Variants in GCLM observed in about 807,000 individuals in gnomAD.
GCLM encodes glutamate-cysteine ligase modifier subunit, also known as glutamate--cysteine ligase regulatory subunit.
In GCLM, 15 loss-of-function variants were observed where a neutral mutation model predicts 36.0. That is an observed-to-expected ratio of 0.42 (90% CI 0.28 to 0.64). The LOEUF is 0.64. Among genes scored for constraint, GCLM ranks in the 30% least tolerant of loss-of-function variants. The pLI is 0.25. For missense variants in GCLM, 242 were observed against 325.5 expected (o/e 0.74, Z 1.97); for synonymous variants, 129 against 122.8 (o/e 1.05, Z -0.34).
chr1:93,888,361 TAA>T lies in GCLM; in HGVS notation c.*627_*628del, dbSNP rs1324162660. 1 of 152,124 alleles carries T rather than the reference TAA, an allele frequency of 6.6e-6. No individual in the cohort carries two copies. Among genetic ancestry groups the T allele is most frequent in the South Asian group, 2.1e-4 (1 of 4,830 alleles). The allele number at this position is 152,124 out of a possible 1,614,324, so 9.4% of individuals were successfully genotyped here. A position where few individuals can be genotyped will look rare whatever the true frequency, so the allele number is the denominator to read the frequency against. ...TACTTTGGTTTGTCTTTATAAGTAA[TAA>T]AAAGACAGAATATGGCACAAGAATA... On this transcript the variant is annotated 3_prime_UTR_variant, in exon 7 of 7. Coordinates refer to ENST00000370238, the MANE Select transcript of GCLM (RefSeq NM_002061.4).
intron 1 of GCLM, among the ~76,000 whole-genome samples, chr1:93,904,941 A>T (rs760937018): frequency 3.3e-5 from 5 of 152,150 alleles, no homozygotes; most frequent in Non-Finnish European, 5.9e-5. Context: ...TGGGAGGCTG[A>T]GGGGGGCAAA....
chr1:93,892,345 GTTTTACAGAGTTAAA>G (rs1656568010), intron 6 of GCLM, among the ~76,000 whole-genome samples: 2 of 152,208 alleles, frequency 1.3e-5, no homozygotes, highest in African/African-American at 4.8e-5. Context: ...ATGTTTTACA[GTTTTACAGAGTTAAA>G]TTTTACAGAG....
intron 4 of GCLM, among the ~76,000 whole-genome samples, chr1:93,897,355 C>T (rs1656768666): frequency 6.6e-6 from 1 of 151,992 alleles, no homozygotes; most frequent in South Asian, 2.1e-4. Context: ...AATTTAAGAG[C>T]TTATTTTAAA....
chr1:93,889,091 ACTCGTGCG>A lies in GCLM; in HGVS notation c.716_723del (p.Ala239ValfsTer16). ...TACCGCAGTAGCCACAGCGGCACCC[ACTCGTGCG>A]CTTGAATGTCAGGAATGCTTTCCTG... is the stretch of plus-strand genomic sequence containing the variant. On this transcript the variant is annotated frameshift_variant, in exon 7 of 7. Transcript: ENST00000370238. LOFTEE classifies it high-confidence loss of function. 6.2e-7 allele frequency: 1 copy of A among 1,601,324 alleles called. No individual in the cohort carries two copies. The highest frequency in any genetic ancestry group is 2.3e-5 in the East Asian group (1 of 43,996).
chr1:93,902,649 T>G (rs1159870866), intron 2 of GCLM, among the ~76,000 whole-genome samples: 2 of 152,202 alleles, frequency 1.3e-5, no homozygotes, highest in African/African-American at 4.8e-5. Context: ...TTACACTTGA[T>G]GAACCTACAT....
chr1:93,902,080 A>C (rs1656970778), intron 2 of GCLM, among the ~76,000 whole-genome samples: 1 of 151,930 alleles, frequency 6.6e-6, no homozygotes. Flanking sequence ...CATTAATTAC[A>C]AGCATTTTCT....
At chr1:93,900,760 CAATAAT>C (rs2100920420) in intron 3 of GCLM, among the ~76,000 whole-genome samples, 1 of 152,232 alleles carries the variant, frequency 6.6e-6, no homozygotes, top group East Asian at 1.9e-4. Context: ...TTATCCATCT[CAATAAT>C]AATAAAATAG....
intron 3 of GCLM, among the ~76,000 whole-genome samples, chr1:93,899,729 T>A (rs966363783): frequency 3.0e-4 from 45 of 152,140 alleles, no homozygotes; most frequent in African/African-American, 1.1e-3. Flanking sequence ...AATTTTTTTT[T>A]AAAACTTAGT....
chr1:93,905,110 T>C (rs1005056302), intron 1 of GCLM, among the ~76,000 whole-genome samples: 20 of 149,764 alleles, frequency 1.3e-4, no homozygotes, highest in African/African-American at 4.4e-4. Context: ...GAGGTGGAGG[T>C]TATAGTGTGC....
At chr1:93,889,220 T>A in intron 6 of GCLM, 61 bp from the exon 7 acceptor site, 1 of 1,191,370 alleles carries the variant, frequency 8.4e-7, no homozygotes, top group South Asian at 1.6e-5. Context: ...AAAAAGCACT[T>A]TAGTATGTAG....
chr1:93,898,778 A>T (rs1464170986), intron 3 of GCLM, among the ~76,000 whole-genome samples: 1 of 151,888 alleles, frequency 6.6e-6, no homozygotes. Context: ...GCATGTACCA[A>T]TACACCTGGC....
chr1:93,899,143 C>T (rs1325079811), intron 3 of GCLM, among the ~76,000 whole-genome samples: 3 of 151,586 alleles, frequency 2.0e-5, no homozygotes, highest in Non-Finnish European at 4.4e-5. Flanking sequence ...GTGGTGCCAT[C>T]TTGGTTCATT....
intron 2 of GCLM, among the ~76,000 whole-genome samples, chr1:93,903,491 T>G (rs1369048585): frequency 6.8e-6 from 1 of 146,198 alleles, no homozygotes; most frequent in African/African-American, 2.5e-5. Flanking sequence ...TTTTTTTTTG[T>G]ATTTTTAGTA....
In GCLM at chr1:93,889,299, G is replaced by A. The variant is rs1026445077; in HGVS notation, c.656-140C>T. 1.6e-5 allele frequency: 8 copies of A among 486,428 alleles called. No homozygotes were observed. In the Admixed American group the frequency reaches 2.1e-4, roughly 13 times the overall value. The allele number at this position is 486,428 out of a possible 1,614,324, so 30.1% of individuals were successfully genotyped here. A position where few individuals can be genotyped will look rare whatever the true frequency, so the allele number is the denominator to read the frequency against. ...TATAATATGCTTATTCTTCATGTGT[G>A]TGCTATGAATCTGAACCAGAATATT... On this transcript the variant is annotated intron_variant, in intron 6 of 6. Transcript: ENST00000370238.
chr1:93,889,616 C>A (rs973471456), intron 6 of GCLM, among the ~76,000 whole-genome samples: 5 of 151,632 alleles, frequency 3.3e-5, no homozygotes, highest in African/African-American at 9.7e-5. Context: ...TCTTGAATCT[C>A]TATATATCTC....
chr1:93,897,508 T>G (rs181709755), intron 4 of GCLM, among the ~76,000 whole-genome samples: 1 of 150,804 alleles, frequency 6.6e-6, no homozygotes, highest in East Asian at 1.9e-4. Context: ...ATACTTGGAT[T>G]TTTTTTGGAT....
chr1:93,895,960 TTTC>T (rs1416102018), intron 5 of GCLM, among the ~76,000 whole-genome samples: 2 of 126,834 alleles, frequency 1.6e-5, no homozygotes, highest in African/African-American at 6.9e-5. Context: ...AAGGTTTTTC[TTTC>T]TTTTTTTTTT....
rs372978818 is a variant in GCLM at position 93,897,902 on chromosome 1, G to C, written c.278-4C>G. The C allele has an allele frequency of 3.3e-6, 5 of 1,528,202 alleles. No individual in the cohort carries two copies. 94.7% of individuals were successfully genotyped at this position (1,528,202 alleles called of 1,614,324 possible). ...GATTCTACAATGAACAGTTTTGCTG[G>C]GTAACAAAGAAAACAAAACTGATTA... On this transcript the variant is annotated splice_region_variant and splice_polypyrimidine_tract_variant and intron_variant, in intron 3 of 6. Transcript: ENST00000370238.
intron 6 of GCLM, among the ~76,000 whole-genome samples, chr1:93,893,477 G>A (rs1042090411): frequency 2.0e-5 from 3 of 152,166 alleles, no homozygotes; most frequent in South Asian, 2.1e-4. Flanking sequence ...TTCTTAAAAT[G>A]AGCAAACTGA....
Sources: gnomAD v4.1 joint callset for allele counts (sites outside exome capture counted in the v4.1 genomes callset) on GRCh38, gnomAD v4.1.1 for gene constraint, MANE v1.5 for transcripts, NCBI Gene and HGNC (gene_info 2026-07-23, HGNC 2026-07-21) for gene names.